SRSF9: variants seen among roughly 807,000 people sequenced by gnomAD.
SRSF9 encodes serine/arginine-rich splicing factor 9.
In SRSF9, 3 loss-of-function variants were observed where a neutral mutation model predicts 25.9. That is an observed-to-expected ratio of 0.12 (90% CI 0.05 to 0.30). The LOEUF is 0.30. SRSF9 is among the 10% of genes least tolerant of loss of function. The pLI is 1.00. For missense variants in SRSF9, 161 were observed against 303.5 expected, an observed-to-expected ratio of 0.53 and a Z score of 3.49; for synonymous variants, 114 against 113.2, an observed-to-expected ratio of 1.01 and a Z score of -0.05.
chr12:120,463,841 T>G (rs950533684), intron 3 of SRSF9, 109 bp downstream of exon 3: 1 of 1,284,328 alleles, frequency 7.8e-7, no homozygotes, highest in Non-Finnish European at 1.1e-6. Context: ...ATAGATCTCT[T>G]ATGGTACTGT....
Position 120,465,804 on chromosome 12 carries a change from C to CAA in SRSF9, c.189-19_189-18dup, listed in dbSNP as rs776234894. 11 of 1,530,868 alleles carry CAA rather than the reference C, an allele frequency of 7.2e-6. No homozygotes were observed. The highest frequency in any genetic ancestry group is 2.5e-5 in the South Asian group (2 of 78,568). The allele number at this position is 1,530,868 out of a possible 1,614,324, so 94.8% of individuals were successfully genotyped here. A position where few individuals can be genotyped will look rare whatever the true frequency, so the allele number is the denominator to read the frequency against. On this transcript the variant is annotated splice_polypyrimidine_tract_variant and intron_variant, in intron 1 of 3. Coordinates refer to ENST00000229390, the MANE Select transcript of SRSF9 (RefSeq NM_003769.3). ...TCTGCATCTCTAAAAAAAACAACAACAACAAAAAAAACGTTTGGAGTTAGT... is the reference window on the plus strand; with the variant it reads ...TCTGCATCTCTAAAAAAAACAACAACAAAACAAAAAAAACGTTTGGAGTTAGT...
intron 1 of SRSF9, among the ~76,000 whole-genome samples, 197 bp from the exon 2 acceptor site, chr12:120,465,984 C>G (rs1387908725): frequency 6.6e-6 from 1 of 152,068 alleles, no homozygotes; most frequent in Non-Finnish European, 1.5e-5. Context: ...TTAACCTTTA[C>G]AGCTGTCACA....
intron 2 of SRSF9, chr12:120,464,558 A>G (rs1265263037): frequency 6.5e-6 from 1 of 154,890 alleles, no homozygotes; most frequent in Admixed American, 6.4e-5. Context: ...TGAAATAACC[A>G]AAGAGTAGCT....
At chr12:120,465,822 G>A in intron 1 of SRSF9, 35 bp from the exon 2 acceptor site, 6 of 1,558,094 alleles carry the variant, frequency 3.9e-6, no homozygotes, top group Non-Finnish European at 5.2e-6. Context: ...AAAACGTTTG[G>A]AGTTAGTGCT....
At position 120,461,913 on chromosome 12, in the gene SRSF9, T is replaced by A; in HGVS notation, c.*106A>T. 4 of 1,209,294 alleles carry A rather than the reference T, an allele frequency of 3.3e-6. No homozygotes were observed. Among genetic ancestry groups the A allele is most frequent in the South Asian group, 5.8e-5 (2 of 34,498 alleles). The allele number at this position is 1,209,294 out of a possible 1,614,324, so 74.9% of individuals were successfully genotyped here. On this transcript the variant is annotated 3_prime_UTR_variant, in exon 4 of 4. Coordinates refer to ENST00000229390, the MANE Select transcript of SRSF9 (RefSeq NM_003769.3). ...TTTTTCTTCTTTAAAAAAAAAAAAT[T>A]AAAAAAATTTCCTAAGACACTAAAT...
In SRSF9 at chr12:120,469,410, C is replaced by T. The variant is rs936791355; in HGVS notation, c.188+12G>A. ...CACCGAGGAGGAGAGGGCAGGGGCG[C>T]GGGGGCCTCACCGGGGGTCCTCGAA... On this transcript the variant is annotated intron_variant, in intron 1 of 3. Transcript: ENST00000229390. 6 of 1,552,346 alleles carry T rather than the reference C, an allele frequency of 3.9e-6. No individual in the cohort carries two copies. The highest frequency in any genetic ancestry group is 5.2e-6 in the Non-Finnish European group (6 of 1,149,474).
chr12:120,465,144 C>T (rs1227427212), intron 2 of SRSF9: 3 of 152,282 alleles, frequency 2.0e-5, no homozygotes, highest in African/African-American at 4.8e-5. Flanking sequence ...CACTTATAAA[C>T]ACTAGACAGA....
At chr12:120,463,884 T>TCTG in intron 3 of SRSF9, 66 bp downstream of exon 3, 1 of 1,524,080 alleles carries the variant, frequency 6.6e-7, no homozygotes, top group Non-Finnish European at 8.8e-7. Context: ...TCTTGCTACC[T>TCTG]CTGCTAGGTC....
intron 3 of SRSF9, chr12:120,462,665 T>C (rs1878383249): frequency 6.6e-6 from 1 of 152,636 alleles, no homozygotes; most frequent in Admixed American, 6.5e-5. Flanking sequence ...AGTCTTGTGA[T>C]GGTGCTATTA....
intron 1 of SRSF9, among the ~76,000 whole-genome samples, chr12:120,468,906 C>A (rs1166850876): frequency 2.6e-5 from 4 of 152,198 alleles, no homozygotes; most frequent in Admixed American, 2.6e-4. Context: ...AAAGCCCGGG[C>A]CCTGGCCTGC....
chr12:120,469,677 CCG>C lies in SRSF9; in HGVS notation c.-70_-69del. ...CGCCGCCGCCTCAGCACGGGTCCCC[CCG>C]CAGCGTCCCCGCGGGCTCCGAGGCG... On this transcript the variant is annotated 5_prime_UTR_variant, in exon 1 of 4. Transcript: ENST00000229390. 9.6e-7 allele frequency: 1 copy of C among 1,038,596 alleles called. No individual in the cohort carries two copies. Among genetic ancestry groups the C allele is most frequent in the South Asian group, 4.6e-5 (1 of 21,686 alleles). 64.3% of individuals were successfully genotyped at this position (1,038,596 alleles called of 1,614,324 possible).
chr12:120,465,797 A>T lies in SRSF9; in HGVS notation c.189-10T>A. On this transcript the variant is annotated splice_polypyrimidine_tract_variant and intron_variant, in intron 1 of 3. Coordinates refer to ENST00000229390, the MANE Select transcript of SRSF9 (RefSeq NM_003769.3). Reference sequence around the variant, plus strand: ...AGCATCCTCTGCATCTCTAAAAAAAACAACAACAACAAAAAAAACGTTTGG... The same window carrying T: ...AGCATCCTCTGCATCTCTAAAAAAATCAACAACAACAAAAAAAACGTTTGG... 1 of 1,566,410 alleles carries T rather than the reference A, an allele frequency of 6.4e-7. No individual in the cohort carries two copies. The highest frequency in any genetic ancestry group is 8.6e-7 in the Non-Finnish European group (1 of 1,165,968).
chr12:120,466,771 G>T (rs513786), intron 1 of SRSF9, among the ~76,000 whole-genome samples: 1 of 152,118 alleles, frequency 6.6e-6, no homozygotes, highest in African/African-American at 2.4e-5. Context: ...CCTGGGCTCA[G>T]GCGATCCTTC....
Position 120,469,438 on chromosome 12 carries a change from G to A in SRSF9, c.172C>T (p.Arg58Cys), listed in dbSNP as rs1304498175. Residue 58 changes from arginine to cysteine, a missense_variant, in exon 1 of 4, where the codon CGC becomes TGC. Physicochemically the swap from Arg to Cys is radical, Grantham distance 180. Coordinates refer to ENST00000229390, the MANE Select transcript of SRSF9 (RefSeq NM_003769.3). ...RHGLVPFAFV[R>C]FEDPRDAEDA... ...GGGCCTCACCGGGGGTCCTCGAAGCGCACGAAGGCGAAGGGCACGAGGCCG... is the reference window on the plus strand; with the variant it reads ...GGGCCTCACCGGGGGTCCTCGAAGCACACGAAGGCGAAGGGCACGAGGCCG... The A allele has an allele frequency of 6.3e-7, 1 of 1,585,150 alleles. No homozygotes were observed. The highest frequency in any genetic ancestry group is 8.6e-7 in the Non-Finnish European group (1 of 1,166,942).
intron 1 of SRSF9, among the ~76,000 whole-genome samples, chr12:120,468,174 T>A (rs1438016833): frequency 6.7e-6 from 1 of 150,366 alleles, no homozygotes; most frequent in East Asian, 2.0e-4. Context: ...TGCTCACGCC[T>A]GTAATCCTAA....
At chr12:120,469,327 A>C (rs944988774) in intron 1 of SRSF9, 95 bp downstream of exon 1, 15 of 691,254 alleles carry the variant, frequency 2.2e-5, no homozygotes, top group African/African-American at 6.3e-5. Context: ...GGGGGAGGGG[A>C]GGCCGGGGGG....
At chr12:120,469,254 C>G (rs1565918226) in intron 1 of SRSF9, among the ~76,000 whole-genome samples, 168 bp downstream of exon 1, 1 of 151,714 alleles carries the variant, frequency 6.6e-6, no homozygotes, top group African/African-American at 2.4e-5. Flanking sequence ...CCCGGGCCTG[C>G]GAGGAGAGGC....
intron 1 of SRSF9, among the ~76,000 whole-genome samples, chr12:120,467,302 C>A (rs1272625085): frequency 6.6e-6 from 1 of 152,122 alleles, no homozygotes; most frequent in East Asian, 1.9e-4. Context: ...AGCTTGAGAC[C>A]AGTCTGGGCA....
At chr12:120,465,038 G>T (rs1403868978) in intron 2 of SRSF9, 2 of 152,040 alleles carry the variant, frequency 1.3e-5, no homozygotes, top group Admixed American at 1.3e-4. Context: ...ATTCCACCAG[G>T]GCCCTAAAAC....
Sources: allele counts gnomAD v4.1 joint callset (sites outside exome capture counted in the v4.1 genomes callset), GRCh38; gene constraint gnomAD v4.1.1; transcripts MANE v1.5; gene names NCBI Gene and HGNC (gene_info 2026-07-23, HGNC 2026-07-21).